KHNYN: variants seen among roughly 807,000 people sequenced by gnomAD.
KHNYN encodes protein KHNYN.
KHNYN carries 42 observed loss-of-function variants against 62.7 expected under a neutral mutation model. That is an observed-to-expected ratio of 0.67 (90% CI 0.52 to 0.87). The LOEUF (loss-of-function observed/expected upper bound fraction) is 0.87. Ranked by LOEUF, KHNYN falls within the 40% of genes least tolerant of loss-of-function variation. The probability of loss-of-function intolerance (pLI) is 0.00; values close to 1 mark genes in which losing one functional copy is unlikely to be tolerated. For missense variants in KHNYN, 829 were observed against 874.1 expected, an observed-to-expected ratio of 0.95 and a Z score of 0.65; for synonymous variants, 347 against 345.6, an observed-to-expected ratio of 1.00 and a Z score of -0.04.
At chr14:24,427,824 AGT>A (rs958295611), upstream of KHNYN, 2 of 1,613,982 alleles carry the variant, frequency 1.2e-6, no homozygotes, top group African/African-American at 2.7e-5. The surrounding 1 kb of genome is among the most constrained non-coding windows in gnomAD (Gnocchi z 4.4). Context: ...GAGAAACTTG[AGT>A]ATTTCCAACC....
rs1393060000 is a variant in KHNYN, at chr14:24,432,630, A to G, written c.1349+20A>G. 1 of 1,608,862 alleles carries G rather than the reference A, an allele frequency of 6.2e-7. No individual in the cohort carries two copies. The highest frequency in any genetic ancestry group is 8.5e-7 in the Non-Finnish European group (1 of 1,176,346). On this transcript the variant is annotated intron_variant, in intron 3 of 7. Coordinates refer to ENST00000553935, the MANE Select transcript of KHNYN (RefSeq NM_015299.3). The surrounding 1 kb of genome is among the most constrained non-coding windows in gnomAD (Gnocchi z 5.6). ...CATGGTGTGAGTACCTGGTGGGGCTAAGGGCCTAGGAGAGGGAGGATATGT... is the reference window on the plus strand; with the variant it reads ...CATGGTGTGAGTACCTGGTGGGGCTGAGGGCCTAGGAGAGGGAGGATATGT...
At chr14:24,434,603 C>T (rs894234537) in intron 5 of KHNYN, among the ~76,000 whole-genome samples, 1 of 152,156 alleles carries the variant, frequency 6.6e-6, no homozygotes, top group African/African-American at 2.4e-5. Context: ...TGGGGTTTCA[C>T]CATGTTGGCC....
In KHNYN at chr14:24,430,815, C is replaced by A; in HGVS notation, c.85C>A (p.Pro29Thr). The A allele has an allele frequency of 6.2e-7, 1 of 1,612,174 alleles. No individual in the cohort carries two copies. The highest frequency in any genetic ancestry group is 8.5e-7 in the Non-Finnish European group (1 of 1,179,226). Reference protein sequence around the residue: ...EAENKVREQQPHVERIFSVGV... With the variant: ...EAENKVREQQTHVERIFSVGV... The stretch of plus-strand genomic sequence containing the variant: ...TGAGAACAAGGTTCGGGAACAGCAG[C>A]CCCATGTGGAGCGCATCTTCAGCGT... Residue 29 changes from proline (P) to threonine (T), a missense_variant, in exon 2 of 8, where the codon CCC (proline) becomes ACC (threonine). Around this residue, in one of 2 missense-constraint regions of KHNYN, gnomAD observed 559 missense variants for 527.0 expected, o/e 1.06. Transcript: ENST00000553935.
In KHNYN at chr14:24,439,408, A is replaced by G. The variant is rs2043258155; in HGVS notation, c.*2123A>G. The G allele has an allele frequency of 6.6e-6, 1 of 152,232 alleles. No individual in the cohort carries two copies. The highest frequency in any genetic ancestry group is 2.4e-5 in the African/African-American group (1 of 41,438). The allele number at this position is 152,232 out of a possible 1,614,324, so 9.4% of individuals were successfully genotyped here. On this transcript the variant is annotated 3_prime_UTR_variant, in exon 8 of 8. Coordinates refer to ENST00000553935, the MANE Select transcript of KHNYN (RefSeq NM_015299.3). ...TGCTGCAGCCTGATAAACTGGGACC[A>G]CTGTGTGGTTAGTAATGCACTTGCC...
rs1468834052 is a variant in KHNYN, at chr14:24,438,216, G to A, written c.*931G>A. 2 of 152,632 alleles carry A rather than the reference G, an allele frequency of 1.3e-5. No homozygotes were observed. Among genetic ancestry groups the A allele is most frequent in the Non-Finnish European group, 2.9e-5 (2 of 68,044 alleles). The allele number at this position is 152,632 out of a possible 1,614,324, so 9.5% of individuals were successfully genotyped here. ...ATGGCAGCTCTCCTGTTGTATTCAG[G>A]TGTTGTTTACAGACTAACAAATGTG... On this transcript the variant is annotated 3_prime_UTR_variant, in exon 8 of 8. Transcript: ENST00000553935.
At chr14:24,423,580 G>A in the KHNYN span, among the ~76,000 whole-genome samples, 2 of 152,262 alleles carry the variant, frequency 1.3e-5, no homozygotes, top group African/African-American at 4.8e-5. Context: ...GGCCATGGGA[G>A]CAGAACTGGT....
the KHNYN span, among the ~76,000 whole-genome samples, chr14:24,424,189 T>G: frequency 2.6e-5 from 4 of 152,234 alleles, no homozygotes; most frequent in Admixed American, 6.5e-5. Flanking sequence ...AGACATTATC[T>G]CAGCTCAGGG....
chr14:24,441,835 A>AT lies in KHNYN; in HGVS notation c.*4551dup. 6.3e-7 allele frequency: 1 copy of AT among 1,582,960 alleles called. No homozygotes were observed. The highest frequency in any genetic ancestry group is 8.6e-7 in the Non-Finnish European group (1 of 1,164,388). Reference sequence around the variant, plus strand: ...TGGGAAATAAAAAGCCACTAAATACATAAGTGCACATATCCCTCTCTCTGT... The same window carrying AT: ...TGGGAAATAAAAAGCCACTAAATACATTAAGTGCACATATCCCTCTCTCTGT... On this transcript the variant is annotated 3_prime_UTR_variant, in exon 8 of 8. Coordinates refer to ENST00000553935, the MANE Select transcript of KHNYN (RefSeq NM_015299.3).
upstream of KHNYN, chr14:24,428,607 TG>T: frequency 9.8e-7 from 1 of 1,024,808 alleles, no homozygotes; most frequent in African/African-American, 1.7e-5. Flanking sequence ...AAACCGTCGG[TG>T]GGGTGGTGGG....
At chr14:24,436,318 A>T in intron 6 of KHNYN, 70 bp from the exon 7 acceptor site, 1 of 1,457,660 alleles carries the variant, frequency 6.9e-7, no homozygotes, top group South Asian at 1.1e-5. Flanking sequence ...TTCTGGTGAT[A>T]CTGGTCTCGG....
At chr14:24,428,710 T>C, upstream of KHNYN, 1 of 1,529,450 alleles carries the variant, frequency 6.5e-7, no homozygotes, top group South Asian at 1.2e-5. Context: ...TTCCAGGTCC[T>C]TGCAGGGTCT....
chr14:24,436,046 C>G, intron 5 of KHNYN, 26 bp from the exon 6 acceptor site: 1 of 1,585,958 alleles, frequency 6.3e-7, no homozygotes, highest in Non-Finnish European at 8.7e-7. Context: ...TCAACCCTCT[C>G]TCGGTTGCTG....
chr14:24,441,052 T>A lies in KHNYN; in HGVS notation c.*3767T>A, dbSNP rs1262901177. 2.8e-6 allele frequency: 3 copies of A among 1,060,720 alleles called. No individual in the cohort carries two copies. The highest frequency in any genetic ancestry group is 4.3e-6 in the Non-Finnish European group (3 of 699,392). The allele number at this position is 1,060,720 out of a possible 1,614,324, so 65.7% of individuals were successfully genotyped here. ...TCTCCCCATTTGGAGACAGAGCCATTTGGATATTTTCCCCTTGAACTTCTC... is the reference window on the plus strand; with the variant it reads ...TCTCCCCATTTGGAGACAGAGCCATATGGATATTTTCCCCTTGAACTTCTC... On this transcript the variant is annotated 3_prime_UTR_variant, in exon 8 of 8. Coordinates refer to ENST00000553935, the MANE Select transcript of KHNYN (RefSeq NM_015299.3).
In KHNYN at chr14:24,436,474, T is replaced by A; in HGVS notation, c.1772T>A (p.Leu591Gln). The change falls in exon 7 of 8, where the codon CTG becomes CAG. Residue 591 changes from leucine (L) to glutamine (Q), a missense_variant. Coordinates refer to ENST00000553935, the MANE Select transcript of KHNYN (RefSeq NM_015299.3). ...AACGGCCCCACCCTGGATGAATTTC[T>A]GAAGAAGCCAGCCAGGTAATCAATC... ...GRNGPTLDEF[L>Q]KKPARTQGSS... 6.2e-7 allele frequency: 1 copy of A among 1,612,568 alleles called. No homozygotes were observed. Among genetic ancestry groups the A allele is most frequent in the Non-Finnish European group, 8.5e-7 (1 of 1,179,468 alleles).
chr14:24,434,174 G>A, intron 5 of KHNYN: 1 of 985,114 alleles, frequency 1.0e-6, no homozygotes, highest in Non-Finnish European at 1.2e-6. Flanking sequence ...TGAAGATTGA[G>A]TTCGTTTTAA....
In KHNYN at chr14:24,439,424, T is replaced by C. The variant is rs2043258457; in HGVS notation, c.*2139T>C. 1 of 152,232 alleles carries C rather than the reference T, an allele frequency of 6.6e-6. No homozygotes were observed. Among genetic ancestry groups the C allele is most frequent in the African/African-American group, 2.4e-5 (1 of 41,456 alleles). The allele number at this position is 152,232 out of a possible 1,614,324, so 9.4% of individuals were successfully genotyped here. A position where few individuals can be genotyped will look rare whatever the true frequency, so the allele number is the denominator to read the frequency against. ...ACTGGGACCACTGTGTGGTTAGTAA[T>C]GCACTTGCCATTTGGTGACACAGAC... On this transcript the variant is annotated 3_prime_UTR_variant, in exon 8 of 8. Coordinates refer to ENST00000553935, the MANE Select transcript of KHNYN (RefSeq NM_015299.3).
chr14:24,440,834 C>T lies in KHNYN; in HGVS notation c.*3549C>T. 1.2e-6 allele frequency: 2 copies of T among 1,613,798 alleles called. No individual in the cohort carries two copies. Among genetic ancestry groups the T allele is most frequent in the Non-Finnish European group, 1.7e-6 (2 of 1,179,824 alleles). ...GAATCTCCAGGAAGCCTGGCTGCAGCTTCCCATTTGGTTACGAGGTTGGAG... is the reference window on the plus strand; with the variant it reads ...GAATCTCCAGGAAGCCTGGCTGCAGTTTCCCATTTGGTTACGAGGTTGGAG... On this transcript the variant is annotated 3_prime_UTR_variant, in exon 8 of 8. Transcript: ENST00000553935.
chr14:24,428,581 T>G (rs2043048992), upstream of KHNYN, among the ~76,000 whole-genome samples: 1 of 145,764 alleles, frequency 6.9e-6, no homozygotes, highest in African/African-American at 2.6e-5. Context: ...GGGCTGCGTA[T>G]GGGTGGAGGG....
upstream of KHNYN, among the ~76,000 whole-genome samples, chr14:24,425,504 G>C (rs1420323865): frequency 6.6e-6 from 1 of 152,218 alleles, no homozygotes; most frequent in Admixed American, 6.5e-5. Context: ...TGGGTCATGA[G>C]GTGGCAAGCT....
Sources: allele counts gnomAD v4.1 joint callset (sites outside exome capture counted in the v4.1 genomes callset), GRCh38; gene constraint gnomAD v4.1.1; regional missense constraint gnomAD v4.1.1; non-coding constraint Gnocchi (gnomAD v3.1); transcripts MANE v1.5; gene names NCBI Gene and HGNC (gene_info 2026-07-23, HGNC 2026-07-21).